The following ZW10 variants were observed in gnomAD, a reference collection of about 807,000 sequenced individuals.
ZW10 encodes centromere/kinetochore protein zw10 homolog.
In ZW10, 53 loss-of-function variants were observed where a neutral mutation model predicts 87.8. That is an observed-to-expected ratio of 0.60 (90% CI 0.48 to 0.76). ZW10 has a LOEUF of 0.76. Among genes scored for constraint, ZW10 ranks in the 30% least tolerant of loss-of-function variants. The probability of loss-of-function intolerance (pLI) is 0.00; values close to 1 mark genes in which losing one functional copy is unlikely to be tolerated. For missense variants in ZW10, 837 were observed against 923.0 expected (o/e 0.91, Z 1.21); for synonymous variants, 312 against 329.2 (o/e 0.95, Z 0.57).
intron 2 of ZW10, among the ~76,000 whole-genome samples, chr11:113,763,716 T>G (rs1321815114): frequency 1.3e-5 from 2 of 152,218 alleles, no homozygotes; most frequent in Non-Finnish European, 2.9e-5. Context: ...GGTTGCTTTT[T>G]TCTTATAAAT....
At chr11:113,738,205 C>CA (rs1005082811) in intron 13 of ZW10, 59 bp downstream of exon 13, 623 of 1,461,572 alleles carry the variant, frequency 4.3e-4, no homozygotes, top group South Asian at 1.1e-3. Context: ...AAAAAGCAAA[C>CA]AAAAAAAAAG....
chr11:113,767,512 G>A (rs1437819010), intron 2 of ZW10, among the ~76,000 whole-genome samples: 1 of 152,002 alleles, frequency 6.6e-6, no homozygotes, highest in Non-Finnish European at 1.5e-5. Flanking sequence ...CATTCCCACT[G>A]CCACTGACTT....
At position 113,747,444 on chromosome 11, in the gene ZW10, C is replaced by T. The variant is rs1372686170; in HGVS notation, c.1272+87G>A. On this transcript the variant is annotated intron_variant, in intron 9 of 15. Coordinates refer to ENST00000200135, the MANE Select transcript of ZW10 (RefSeq NM_004724.4). ...TTGACTCAGCTCAACAACCGTCATC[C>T]TCTCTTCCACTTTACTATATGCATC... 4.9e-6 allele frequency: 6 copies of T among 1,214,328 alleles called. No individual in the cohort carries two copies. In the Admixed American group the frequency reaches 6.7e-5, roughly 14 times the overall value. 75.2% of individuals were successfully genotyped at this position (1,214,328 alleles called of 1,614,324 possible). A position where few individuals can be genotyped will look rare whatever the true frequency, so the allele number is the denominator to read the frequency against.
Position 113,737,758 on chromosome 11 carries a change from T to C in ZW10, c.1885-55A>G, listed in dbSNP as rs549643302. 2.9e-5 allele frequency: 45 copies of C among 1,537,722 alleles called. No homozygotes were observed. In the African/African-American group the frequency reaches 5.6e-4, roughly 19 times the overall value. ...AGAAAGATTACTGTGACTCGTATTT[T>C]CCAGATTTACATTTATCATTTGTGA... is the stretch of plus-strand genomic sequence containing the variant. On this transcript the variant is annotated intron_variant, in intron 13 of 15. Coordinates refer to ENST00000200135, the MANE Select transcript of ZW10 (RefSeq NM_004724.4).
rs1034178279 is a variant in ZW10 at position 113,739,283 on chromosome 11, C to G, written c.1683G>C (p.Leu561Phe). Residue 561 changes from leucine to phenylalanine, a missense_variant, in exon 12 of 16, where the codon TTG (leucine) becomes TTC (phenylalanine). Coordinates refer to ENST00000200135, the MANE Select transcript of ZW10 (RefSeq NM_004724.4). ...CATCACAAAGAATGGGGGCAAGACGCAATCTGAACTGATGCCCGAGGGTCA... is the reference window on the plus strand; with the variant it reads ...CATCACAAAGAATGGGGGCAAGACGGAATCTGAACTGATGCCCGAGGGTCA... ...HLLTLGHQFR[L>F]RLAPILCDGT... is the part of the protein sequence containing the mutation. 6 of 1,613,978 alleles carry G rather than the reference C, an allele frequency of 3.7e-6. No homozygotes were observed. The highest frequency in any genetic ancestry group is 4.2e-6 in the Non-Finnish European group (5 of 1,179,952).
At chr11:113,758,944 C>T (rs562446974) in intron 5 of ZW10, among the ~76,000 whole-genome samples, 5 of 152,210 alleles carry the variant, frequency 3.3e-5, no homozygotes, top group African/African-American at 9.6e-5. Context: ...GAGGTCGAGG[C>T]GGGAGGATCA....
intron 7 of ZW10, among the ~76,000 whole-genome samples, chr11:113,748,974 C>G (rs1235602056): frequency 6.6e-6 from 1 of 152,040 alleles, no homozygotes; most frequent in African/African-American, 2.4e-5. Context: ...AAGAACCAGG[C>G]ACCAATGTAG....
rs749228728 is a variant in ZW10 at position 113,748,431 on chromosome 11, T to TA, written c.926-12dup. On this transcript the variant is annotated splice_polypyrimidine_tract_variant and intron_variant, in intron 7 of 15. Transcript: ENST00000200135. ...TGTCAAGTGGCAAATCTGAATTTTT[T>TA]AAAAAAAGAAGTTTTAAACAAGAAA... 9 of 1,573,404 alleles carry TA rather than the reference T, an allele frequency of 5.7e-6. No homozygotes were observed. The South Asian group carries it at 9.5e-5, about 17-fold the overall frequency.
At chr11:113,739,940 T>C (rs1953597510) in intron 11 of ZW10, among the ~76,000 whole-genome samples, 1 of 152,224 alleles carries the variant, frequency 6.6e-6, no homozygotes, top group Non-Finnish European at 1.5e-5. Flanking sequence ...CCAGGTGATT[T>C]TAATTTTCAT....
intron 7 of ZW10, among the ~76,000 whole-genome samples, chr11:113,750,242 G>A (rs1434753246): frequency 6.6e-6 from 1 of 151,748 alleles, no homozygotes; most frequent in East Asian, 1.9e-4. Flanking sequence ...AATGGCAGCT[G>A]CAATTTGCTA....
intron 7 of ZW10, among the ~76,000 whole-genome samples, chr11:113,751,906 T>C (rs1411357343): frequency 6.6e-6 from 1 of 152,154 alleles, no homozygotes; most frequent in Non-Finnish European, 1.5e-5. Flanking sequence ...ATTCCCTTAT[T>C]GCTTCACTCC....
intron 7 of ZW10, among the ~76,000 whole-genome samples, chr11:113,755,974 A>G (rs1223877486): frequency 6.6e-6 from 1 of 152,256 alleles, no homozygotes; most frequent in Non-Finnish European, 1.5e-5. Flanking sequence ...CAGTGTAACT[A>G]TAACTTTTAT....
At chr11:113,772,596 G>GT (rs1417340631) in intron 1 of ZW10, among the ~76,000 whole-genome samples, 1 of 152,104 alleles carries the variant, frequency 6.6e-6, no homozygotes, top group Admixed American at 6.5e-5. Flanking sequence ...TCCAGTTTTT[G>GT]TATCAATCTC....
At chr11:113,748,765 TCA>T (rs973090056) in intron 7 of ZW10, among the ~76,000 whole-genome samples, 1 of 152,208 alleles carries the variant, frequency 6.6e-6, no homozygotes, top group Admixed American at 6.5e-5. Flanking sequence ...GAATAAAATC[TCA>T]CTTATTTAAT....
In ZW10 at chr11:113,743,947, G is replaced by A. The variant is rs1031414437; in HGVS notation, c.1366C>T (p.His456Tyr). The A allele has an allele frequency of 1.2e-6, 2 of 1,614,104 alleles. No homozygotes were observed. Among genetic ancestry groups the A allele is most frequent in the Non-Finnish European group, 1.7e-6 (2 of 1,179,998 alleles). ...EVQKVSNTQY[H>Y]EVMNLEPENT... Reference sequence around the variant, plus strand: ...TCAGGCTCTAAATTCATCACTTCGTGGTACTGAGTATTGGATACTTTCTGT... The same window carrying A: ...TCAGGCTCTAAATTCATCACTTCGTAGTACTGAGTATTGGATACTTTCTGT... The change falls in exon 10 of 16, where the codon CAC (histidine) becomes TAC (tyrosine). Residue 456 changes from histidine (H) to tyrosine (Y), a missense_variant. Transcript: ENST00000200135.
intron 2 of ZW10, among the ~76,000 whole-genome samples, chr11:113,766,380 G>C (rs1201752727): frequency 6.6e-6 from 1 of 151,166 alleles, no homozygotes; most frequent in Non-Finnish European, 1.5e-5. Flanking sequence ...TAAAAAATAA[G>C]AATTTTTAGG....
intron 7 of ZW10, among the ~76,000 whole-genome samples, chr11:113,754,706 T>A (rs543576627): frequency 2.0e-5 from 3 of 152,104 alleles, no homozygotes; most frequent in African/African-American, 7.2e-5. Flanking sequence ...CTGGGCTCAA[T>A]TGATCCTCCT....
intron 2 of ZW10, among the ~76,000 whole-genome samples, chr11:113,763,314 C>T (rs1953880981): frequency 6.6e-6 from 1 of 152,180 alleles, no homozygotes; most frequent in African/African-American, 2.4e-5. Flanking sequence ...GTAAACAGTG[C>T]TGCAATAAAC....
At chr11:113,743,213 T>C (rs1028015672) in intron 10 of ZW10, among the ~76,000 whole-genome samples, 2 of 152,248 alleles carry the variant, frequency 1.3e-5, no homozygotes, top group Non-Finnish European at 2.9e-5. Flanking sequence ...TGTTCCATTC[T>C]TTTCCTTCTA....
Sources: gnomAD v4.1 joint callset for allele counts (sites outside exome capture counted in the v4.1 genomes callset) on GRCh38, gnomAD v4.1.1 for gene constraint, MANE v1.5 for transcripts, NCBI Gene and HGNC (gene_info 2026-07-23, HGNC 2026-07-21) for gene names.